The following NCAM1 variants were observed in gnomAD, a reference collection of about 807,000 sequenced individuals.
The protein encoded by NCAM1 is neural cell adhesion molecule 1.
A neutral mutation model predicts 109.8 loss-of-function variants in NCAM1; 14 were observed. The observed-to-expected ratio is 0.13, with a 90% CI of 0.08 to 0.20. NCAM1 has a LOEUF of 0.20. NCAM1 is among the 10% of genes least tolerant of loss of function. NCAM1 has a pLI of 1.00. For synonymous variants in NCAM1, 418 were observed against 442.9 expected (o/e 0.94, Z 0.70); for missense variants, 774 against 1,109.9 (o/e 0.70, Z 4.30).
At chr11:113,132,206 G>A (rs564752383) in intron 1 of NCAM1, among the ~76,000 whole-genome samples, 1 of 152,304 alleles carries the variant, frequency 6.6e-6, no homozygotes, top group Non-Finnish European at 1.5e-5. Context: ...TCAAAGGTCA[G>A]CTGAGTTGTT....
chr11:113,091,679 G>T (rs989518056), intron 1 of NCAM1, among the ~76,000 whole-genome samples: 1 of 152,174 alleles, frequency 6.6e-6, no homozygotes, highest in Non-Finnish European at 1.5e-5. Flanking sequence ...TAGTGCTGCT[G>T]GTTCTTAAAA....
At chr11:112,988,022 A>AT (rs1421501931) in intron 1 of NCAM1, among the ~76,000 whole-genome samples, 2 of 151,646 alleles carry the variant, frequency 1.3e-5, no homozygotes, top group African/African-American at 4.8e-5. Flanking sequence ...ATACGTCTTG[A>AT]TTTTTTTCTC....
intron 1 of NCAM1, among the ~76,000 whole-genome samples, chr11:113,065,769 C>T (rs1192939462): frequency 1.3e-5 from 2 of 152,096 alleles, no homozygotes; most frequent in Non-Finnish European, 2.9e-5. Context: ...ATATGATACC[C>T]TGGATAGGGT....
chr11:113,246,290 T>C, intron 14 of NCAM1, 78 bp from the exon 15 acceptor site: 3 of 703,348 alleles, frequency 4.3e-6, no homozygotes, highest in South Asian at 1.5e-5. Context: ...TTTCAACCAA[T>C]ATCATGTGCG....
chr11:113,165,639 C>T (rs782799924), intron 1 of NCAM1, among the ~76,000 whole-genome samples: 6 of 152,092 alleles, frequency 3.9e-5, no homozygotes, highest in African/African-American at 4.8e-5. Context: ...TGCACCCTTA[C>T]GACCCTATTG....
At chr11:113,087,456 G>A (rs868917131) in intron 1 of NCAM1, among the ~76,000 whole-genome samples, 3 of 152,254 alleles carry the variant, frequency 2.0e-5, no homozygotes, top group African/African-American at 7.2e-5. Context: ...GAACTTTTAC[G>A]TTCATAATTC....
At chr11:113,154,247 A>G (rs1942335147) in intron 1 of NCAM1, among the ~76,000 whole-genome samples, 1 of 152,222 alleles carries the variant, frequency 6.6e-6, no homozygotes, top group South Asian at 2.1e-4. Flanking sequence ...GGCAATAACG[A>G]ATAATGATTA....
chr11:113,146,633 T>G (rs1942027216), intron 1 of NCAM1, among the ~76,000 whole-genome samples: 1 of 152,234 alleles, frequency 6.6e-6, no homozygotes, highest in African/African-American at 2.4e-5. Flanking sequence ...TCTGTCTATA[T>G]TCCAATGGAA....
intron 1 of NCAM1, among the ~76,000 whole-genome samples, chr11:112,999,536 T>C (rs1951689147): frequency 6.6e-6 from 1 of 152,124 alleles, no homozygotes; most frequent in Admixed American, 6.6e-5. Context: ...GGCCTTCGAG[T>C]CTGTCTGCAT....
At chr11:113,158,405 C>T (rs1302162914) in intron 1 of NCAM1, among the ~76,000 whole-genome samples, 2 of 152,230 alleles carry the variant, frequency 1.3e-5, no homozygotes, top group Non-Finnish European at 2.9e-5. Flanking sequence ...GAGCTCACTA[C>T]TCAGTTGCAT....
At chr11:113,203,792 A>G (rs1008895216) in intron 2 of NCAM1, among the ~76,000 whole-genome samples, 3 of 152,226 alleles carry the variant, frequency 2.0e-5, no homozygotes, top group Admixed American at 1.3e-4. Flanking sequence ...AAGTGGTTGG[A>G]ATCTGCACTC....
At chr11:113,182,829 C>G (rs1943374952) in intron 1 of NCAM1, among the ~76,000 whole-genome samples, 1 of 152,224 alleles carries the variant, frequency 6.6e-6, no homozygotes, top group African/African-American at 2.4e-5. Flanking sequence ...CTTACAGCGG[C>G]AGCCCTCGCT....
At position 113,263,630 on chromosome 11, in the gene NCAM1, G is replaced by A. The variant is rs1269211916; in HGVS notation, c.2131+3307G>A. 6 of 985,442 alleles carry A rather than the reference G, an allele frequency of 6.1e-6. No homozygotes were observed. In the Admixed American group the frequency reaches 3.7e-4, roughly 61 times the overall value. 61.0% of individuals were successfully genotyped at this position (985,442 alleles called of 1,614,324 possible). On this transcript the variant is annotated intron_variant, in intron 17 of 19. Coordinates refer to ENST00000316851, the MANE Select transcript of NCAM1 (RefSeq NM_181351.5). ...TCTGTGAACGGGGCCAAGCCATGAT[G>A]TGCCAACAAGTGTCAGCTTTGAAAG...
At chr11:113,244,643 CTGTGTGTGTGCGTGTGTG>C (rs1380889259) in intron 14 of NCAM1, among the ~76,000 whole-genome samples, 1 of 103,084 alleles carries the variant, frequency 9.7e-6, no homozygotes, top group African/African-American at 4.1e-5. Context: ...AGTTTTGCTT[CTGTGTGTGTGCGTGTGTG>C]TGTGTGTGTG....
chr11:113,206,266 GTAAATTAAATCCTGTCCTGACTCAA>G, intron 5 of NCAM1, 86 bp downstream of exon 5: 1 of 1,388,982 alleles, frequency 7.2e-7, no homozygotes, highest in Non-Finnish European at 9.7e-7. Context: ...TCTTGGGTCT[GTAAATTAAATCCTGTCCTGACTCAA>G]TCATCCGTCT....
intron 1 of NCAM1, among the ~76,000 whole-genome samples, chr11:113,059,948 G>T (rs1398971681): frequency 6.6e-6 from 1 of 152,196 alleles, no homozygotes; most frequent in African/African-American, 2.4e-5. Context: ...AGGAATGAGA[G>T]CCAGGACATA....
chr11:113,274,495 AT>A lies in NCAM1; in HGVS notation c.2457-767del, dbSNP rs555181677. The stretch of plus-strand genomic sequence containing the variant: ...CTGATGGAGGCAGAGTCAGACCTAG[AT>A]TTTTATAGAGGCTCCTATGGCTGCT... On this transcript the variant is annotated intron_variant, in intron 19 of 19. Coordinates refer to ENST00000316851, the MANE Select transcript of NCAM1 (RefSeq NM_181351.5). The surrounding 1 kb of genome is among the most constrained non-coding windows in gnomAD (Gnocchi z 4.1). Among the ~76,000 whole-genome samples, 37 of 152,208 alleles carry A rather than the reference AT, an allele frequency of 2.4e-4. No individual in the cohort carries two copies. The highest frequency in any genetic ancestry group is 8.7e-4 in the African/African-American group (36 of 41,522).
intron 7 of NCAM1, among the ~76,000 whole-genome samples, chr11:113,210,256 A>G (rs1944349964): frequency 6.6e-6 from 1 of 152,202 alleles, no homozygotes; most frequent in Non-Finnish European, 1.5e-5. Flanking sequence ...CATTCTGTGA[A>G]GTGCTATCTG....
chr11:113,159,154 C>G (rs1294420438), intron 1 of NCAM1, among the ~76,000 whole-genome samples: 1 of 152,040 alleles, frequency 6.6e-6, no homozygotes, highest in Admixed American at 6.5e-5. Flanking sequence ...CATCTAATAT[C>G]ATCGATAGCT....
Sources: allele counts gnomAD v4.1 joint callset (sites outside exome capture counted in the v4.1 genomes callset), GRCh38; gene constraint gnomAD v4.1.1; non-coding constraint Gnocchi (gnomAD v3.1); transcripts MANE v1.5; gene names NCBI Gene and HGNC (gene_info 2026-07-23, HGNC 2026-07-21).